The following ZNF208 variants were observed in gnomAD, a reference collection of about 807,000 sequenced individuals.
ZNF208 encodes zinc finger protein 95.
In ZNF208, 10 loss-of-function variants were observed where a neutral mutation model predicts 12.1. The ratio of observed to expected loss-of-function variants is 0.83; its 90% CI spans 0.51 to 1.40. The LOEUF is 1.40. Ranked by LOEUF, ZNF208 falls within the 40% of genes most tolerant of loss-of-function variation. The pLI is 0.00. For missense variants in ZNF208, 1,652 were observed against 1,485.0 expected (o/e 1.11, Z -1.85); for synonymous variants, 497 against 488.4 (o/e 1.02, Z -0.23).
At chr19:21,987,659 T>G (rs1970650991) in intron 2 of ZNF208, among the ~76,000 whole-genome samples, 1 of 152,180 alleles carries the variant, frequency 6.6e-6, no homozygotes, top group Non-Finnish European at 1.5e-5. Context: ...ATATGCAGGC[T>G]CCTAGTTAGG....
At chr19:21,956,614 C>T (rs562944695) in intron 4 of ZNF208, among the ~76,000 whole-genome samples, 1 of 152,278 alleles carries the variant, frequency 6.6e-6, no homozygotes, top group African/African-American at 2.4e-5. Context: ...AGTAAGGCTC[C>T]TTGGGCATGG....
Position 21,966,957 on chromosome 19 carries a change from A to G in ZNF208, c.*4234T>C, listed in dbSNP as rs1300452372. On this transcript the variant is annotated 3_prime_UTR_variant, in exon 4 of 4. Coordinates refer to ENST00000397126, the MANE Select transcript of ZNF208 (RefSeq NM_007153.3). ...TGCTTTTTTATTAAATGTATTATAG[A>G]TTCTGTACATTAATCCTTCATTGTC... The G allele has an allele frequency of 1.3e-5, 2 of 152,144 alleles. No homozygotes were observed. Among genetic ancestry groups the G allele is most frequent in the African/African-American group, 4.8e-5 (2 of 41,440 alleles). The allele number at this position is 152,144 out of a possible 1,614,324, so 9.4% of individuals were successfully genotyped here. A position where few individuals can be genotyped will look rare whatever the true frequency, so the allele number is the denominator to read the frequency against.
Position 21,969,363 on chromosome 19 carries a change from T to C in ZNF208, c.*1828A>G, listed in dbSNP as rs1970235367. On this transcript the variant is annotated 3_prime_UTR_variant, in exon 4 of 4. Coordinates refer to ENST00000397126, the MANE Select transcript of ZNF208 (RefSeq NM_007153.3). The stretch of plus-strand genomic sequence containing the variant: ...CAAAGATCTACTTCTTTTAAAGTTA[T>C]ATACAAATAATTCTTCTTTTTGCCA... Among the ~76,000 whole-genome samples, 1 of 152,198 alleles carries C rather than the reference T, an allele frequency of 6.6e-6. No individual in the cohort carries two copies. The highest frequency in any genetic ancestry group is 1.5e-5 in the Non-Finnish European group (1 of 68,030).
At chr19:21,961,221 G>T (rs1970062315), downstream of ZNF208, among the ~76,000 whole-genome samples, 1 of 152,084 alleles carries the variant, frequency 6.6e-6, no homozygotes, top group Admixed American at 6.6e-5. Context: ...GGGCCTCCAG[G>T]GGTGACATCA....
At position 21,970,033 on chromosome 19, in the gene ZNF208, ATGAGT is replaced by A. The variant is rs754201042; in HGVS notation, c.*1153_*1157del. Among the ~76,000 whole-genome samples, 4 of 152,168 alleles carry A rather than the reference ATGAGT, an allele frequency of 2.6e-5. No homozygotes were observed. The highest frequency in any genetic ancestry group is 4.8e-5 in the African/African-American group (2 of 41,456). ...GTTTATTACAGTAGTTTTCTCCAGT[ATGAGT>A]TATCTTACCTACAATCAAGTGTGAC... On this transcript the variant is annotated 3_prime_UTR_variant, in exon 4 of 4. Transcript: ENST00000397126.
At chr19:21,950,741 C>A (rs555210067) in intron 4 of ZNF208, among the ~76,000 whole-genome samples, 1 of 151,890 alleles carries the variant, frequency 6.6e-6, no homozygotes, top group Admixed American at 6.6e-5. Context: ...GTGATCCACC[C>A]GCCTCAGCCT....
chr19:21,963,957 G>T (rs1970119540), downstream of ZNF208, among the ~76,000 whole-genome samples: 1 of 151,838 alleles, frequency 6.6e-6, no homozygotes, highest in Non-Finnish European at 1.5e-5. Flanking sequence ...AAACTATAAA[G>T]TATTGCATAT....
At chr19:21,979,628 A>G (rs1970498860) in intron 3 of ZNF208, among the ~76,000 whole-genome samples, 1 of 152,188 alleles carries the variant, frequency 6.6e-6, no homozygotes, top group Non-Finnish European at 1.5e-5. Flanking sequence ...GCAAAAACAT[A>G]CCAAATTGTA....
chr19:21,951,524 G>C (rs1969887815), intron 4 of ZNF208, among the ~76,000 whole-genome samples: 1 of 152,170 alleles, frequency 6.6e-6, no homozygotes, highest in Non-Finnish European at 1.5e-5. Flanking sequence ...AGAATACTCT[G>C]TGTAAAAATA....
intron 1 of ZNF208, among the ~76,000 whole-genome samples, chr19:21,994,953 TC>T (rs879638123): frequency 1.4e-3 from 119 of 87,388 alleles, no homozygotes; most frequent in South Asian, 3.9e-3. Flanking sequence ...GTTTTTCTTT[TC>T]TTTTTTTTTT....
At chr19:22,002,652 T>G (rs1256118417) in intron 1 of ZNF208, among the ~76,000 whole-genome samples, 1 of 151,720 alleles carries the variant, frequency 6.6e-6, no homozygotes, top group East Asian at 1.9e-4. Flanking sequence ...AGGTAAAAGA[T>G]CTCTATGACA....
At chr19:22,006,487 G>T (rs545305418) in intron 1 of ZNF208, among the ~76,000 whole-genome samples, 48 of 152,098 alleles carry the variant, frequency 3.2e-4, no homozygotes, top group African/African-American at 1.1e-3. Flanking sequence ...TTAGGTTTAG[G>T]GTTCCGTAAG....
At chr19:21,987,958 C>T (rs1294718170) in intron 2 of ZNF208, among the ~76,000 whole-genome samples, 1 of 152,092 alleles carries the variant, frequency 6.6e-6, no homozygotes, top group Non-Finnish European at 1.5e-5. Flanking sequence ...TGTCTCTTCT[C>T]ATTCCTTCGT....
rs1352626610 is a variant in ZNF208, at chr19:21,972,035, GGTT to G, written c.2996_2998del (p.Lys999_Pro1000delinsThr). On this transcript the variant is annotated inframe_deletion, in exon 4 of 4. Coordinates refer to ENST00000397126, the MANE Select transcript of ZNF208 (RefSeq NM_007153.3). ...TTTGCCACATTCTTCACATTTGTAG[GGTT>G]TCTCTCCAGTATGAATTACCTTATG... is the stretch of plus-strand genomic sequence containing the variant. 3.1e-6 allele frequency: 5 copies of G among 1,613,628 alleles called. No individual in the cohort carries two copies. The highest frequency in any genetic ancestry group is 4.2e-6 in the Non-Finnish European group (5 of 1,179,910).
intron 1 of ZNF208, among the ~76,000 whole-genome samples, chr19:22,001,892 C>CAAAAAAAAA (rs58939967): frequency 0.017 from 1,261 of 74,078 alleles, 314 homozygotes; most frequent in East Asian, 0.028. Flanking sequence ...GACTCCATCC[C>CAAAAAAAAA]AAAAAAAAAA....
At chr19:21,959,349 A>G (rs554699232) in intron 4 of ZNF208, among the ~76,000 whole-genome samples, 341 of 152,310 alleles carry the variant, frequency 2.2e-3, no homozygotes, top group Middle Eastern at 3.4e-3. Flanking sequence ...TTTAGTCTCA[A>G]TTCCCAACCT....
At chr19:21,983,836 C>T (rs1970587572) in intron 3 of ZNF208, among the ~76,000 whole-genome samples, 1 of 152,000 alleles carries the variant, frequency 6.6e-6, no homozygotes, top group African/African-American at 2.4e-5. Flanking sequence ...GAACATCACA[C>T]ACCAGGGCCT....
In ZNF208 at chr19:21,952,124, G is replaced by T. The variant is rs190145424; in HGVS notation, c.306-18887C>A. Among the ~76,000 whole-genome samples the T allele has an allele frequency of 8.5e-5, 13 of 152,380 alleles. No homozygotes were observed. The East Asian group carries it at 2.3e-3, about 27-fold the overall frequency. On this transcript the variant is annotated intron_variant, in intron 4 of 4. Transcript: ENST00000599916. ...GGCATCCACCATTGCTGAGGCTTGAGTAGCTAAACGAAGTGGCCGGGAAGC... is the reference window on the plus strand; with the variant it reads ...GGCATCCACCATTGCTGAGGCTTGATTAGCTAAACGAAGTGGCCGGGAAGC...
chr19:21,962,955 A>C (rs1475406783), downstream of ZNF208, among the ~76,000 whole-genome samples: 5 of 152,126 alleles, frequency 3.3e-5, no homozygotes, highest in African/African-American at 1.2e-4. Context: ...TGACCTCATG[A>C]TAATAGTCTC....
Sources: allele counts gnomAD v4.1 joint callset (sites outside exome capture counted in the v4.1 genomes callset), GRCh38; gene constraint gnomAD v4.1.1; transcripts MANE v1.5; gene names NCBI Gene and HGNC (gene_info 2026-07-23, HGNC 2026-07-21).